The following PLEKHG1 variants were observed in gnomAD, a reference collection of about 807,000 sequenced individuals.
The protein encoded by PLEKHG1 is pleckstrin homology and RhoGEF domain containing G1.
A neutral mutation model predicts 100.8 loss-of-function variants in PLEKHG1; 44 were observed. That is an observed-to-expected ratio of 0.44 (90% CI 0.34 to 0.56). The LOEUF is 0.56. Among genes scored for constraint, PLEKHG1 ranks in the 20% least tolerant of loss-of-function variants. The probability of loss-of-function intolerance (pLI) is 0.01; values close to 1 mark genes in which losing one functional copy is unlikely to be tolerated. For missense variants in PLEKHG1, 1,545 were observed against 1,720.9 expected, an observed-to-expected ratio of 0.90 and a Z score of 1.81; for synonymous variants, 640 against 662.5, an observed-to-expected ratio of 0.97 and a Z score of 0.52.
chr6:150,718,681 G>T (rs772078252), upstream of PLEKHG1, among the ~76,000 whole-genome samples: 1 of 151,998 alleles, frequency 6.6e-6, no homozygotes, highest in Non-Finnish European at 1.5e-5. Flanking sequence ...TGTTGGTCAG[G>T]CTAGTCTCGA....
At chr6:150,821,988 T>A (rs1437746021) in intron 13 of PLEKHG1, among the ~76,000 whole-genome samples, 1 of 150,748 alleles carries the variant, frequency 6.6e-6, no homozygotes, top group Non-Finnish European at 1.5e-5. Flanking sequence ...ATTACAAGCA[T>A]GTGCCACCGC....
chr6:150,801,341 C>A (rs1786685185), intron 6 of PLEKHG1, among the ~76,000 whole-genome samples: 1 of 152,024 alleles, frequency 6.6e-6, no homozygotes, highest in South Asian at 2.1e-4. Flanking sequence ...CTTCAGTTAT[C>A]TCCTCTTATA....
chr6:150,829,862 G>A (rs1033846983), intron 14 of PLEKHG1, among the ~76,000 whole-genome samples: 1 of 152,066 alleles, frequency 6.6e-6, no homozygotes, highest in East Asian at 1.9e-4. Flanking sequence ...GTGTGTGGTC[G>A]GGTCAGCAGA....
At chr6:150,684,803 G>A (rs1223650439) in intron 3 of PLEKHG1, among the ~76,000 whole-genome samples, 1 of 152,026 alleles carries the variant, frequency 6.6e-6, no homozygotes, top group Non-Finnish European at 1.5e-5. Flanking sequence ...GTTTGGGATG[G>A]GGGGAAATGA....
chr6:150,695,113 A>C (rs1310924152), intron 3 of PLEKHG1, among the ~76,000 whole-genome samples: 1 of 152,138 alleles, frequency 6.6e-6, no homozygotes, highest in African/African-American at 2.4e-5. Flanking sequence ...CTGTTTTTTC[A>C]AAAGTTTGTA....
intron 1 of PLEKHG1, among the ~76,000 whole-genome samples, chr6:150,612,045 T>TGGGGGG: frequency 1.3e-5 from 1 of 77,272 alleles, no homozygotes; most frequent in Non-Finnish European, 2.7e-5. Flanking sequence ...CTGGTGTTGT[T>TGGGGGG]CCCCCCCCCC....
At chr6:150,743,249 G>T (rs2128623782) in intron 2 of PLEKHG1, among the ~76,000 whole-genome samples, 2 of 152,316 alleles carry the variant, frequency 1.3e-5, no homozygotes, top group East Asian at 3.9e-4. Flanking sequence ...GCTGGGTGTG[G>T]CGGCTCATGC....
chr6:150,730,901 C>CAA lies in PLEKHG1; in HGVS notation c.-98-2671_-98-2670dup, dbSNP rs59262689. 7.4e-4 allele frequency among the ~76,000 whole-genome samples: 103 copies of CAA among 138,358 alleles called. 1 individual carries two copies. The highest frequency in any genetic ancestry group is 2.0e-3 in the African/African-American group (76 of 37,908). 90.8% of individuals were successfully genotyped at this position (138,358 alleles called of 152,430 possible). ...TGGGTGACAAGAGCAAACTCTGTCT[C>CAA]AAAAAAAAAAAAAGAACATATTCAA... On this transcript the variant is annotated intron_variant, in intron 1 of 15. Transcript: ENST00000358517.
At chr6:150,657,560 A>T (rs988977238) in intron 3 of PLEKHG1, among the ~76,000 whole-genome samples, 18 of 152,192 alleles carry the variant, frequency 1.2e-4, no homozygotes, top group Admixed American at 1.2e-3. Context: ...TAGAGCTCTC[A>T]TTGTATTGGT....
At chr6:150,778,406 G>T (rs1232112822) in intron 3 of PLEKHG1, among the ~76,000 whole-genome samples, 4 of 152,240 alleles carry the variant, frequency 2.6e-5, no homozygotes, top group Middle Eastern at 3.4e-3. Context: ...GGTATTATAG[G>T]CATGAGCCAC....
chr6:150,620,805 C>T (rs1344354796), intron 1 of PLEKHG1, among the ~76,000 whole-genome samples: 1 of 152,084 alleles, frequency 6.6e-6, no homozygotes, highest in Non-Finnish European at 1.5e-5. Context: ...GCAATCTCTA[C>T]AAGAGACATT....
chr6:150,804,616 G>T lies in PLEKHG1; in HGVS notation c.787G>T (p.Glu263Ter). The change falls in exon 7 of 16, where the codon GAA (glutamate) becomes TAA (stop). Residue 263 changes from glutamate to a stop codon, truncating the protein, a stop_gained. Transcript: ENST00000358517. LOFTEE classifies it high-confidence loss of function. ...TCGTTCTTTTTTGTTTAAGGAAATA[G>T]AAAACCACCTTGATAAGGACACAGA... The T allele has an allele frequency of 6.4e-7, 1 of 1,557,512 alleles. No individual in the cohort carries two copies. The highest frequency in any genetic ancestry group is 8.7e-7 in the Non-Finnish European group (1 of 1,156,008).
intron 6 of PLEKHG1, among the ~76,000 whole-genome samples, chr6:150,804,309 C>G (rs1786909934): frequency 6.8e-6 from 1 of 147,344 alleles, no homozygotes; most frequent in African/African-American, 2.5e-5. Context: ...CCTCAGCCTC[C>G]TAAGTAACTG....
At chr6:150,693,456 C>A (rs1780422844) in intron 3 of PLEKHG1, among the ~76,000 whole-genome samples, 1 of 152,196 alleles carries the variant, frequency 6.6e-6, no homozygotes, top group African/African-American at 2.4e-5. Flanking sequence ...TTCCTTCTAC[C>A]CTTTGAATGA....
chr6:150,818,248 TTTCA>T (rs762104498), intron 11 of PLEKHG1, 32 bp downstream of exon 12: 1 of 1,462,038 alleles, frequency 6.8e-7, no homozygotes, highest in Non-Finnish European at 9.6e-7. Flanking sequence ...CAATTTGAAA[TTTCA>T]TTGTCTGTTT....
rs184836721 is a variant in PLEKHG1 at position 150,842,101 on chromosome 6, C to A, written c.*1205C>A. On this transcript the variant is annotated 3_prime_UTR_variant, in exon 16 of 16. Coordinates refer to ENST00000358517, the Ensembl canonical transcript of PLEKHG1. Reference sequence around the variant, plus strand: ...GTGATACTGTATACTGATCTAACTCCTTATGAAAGGCAACAAACAAAAATA... The same window carrying A: ...GTGATACTGTATACTGATCTAACTCATTATGAAAGGCAACAAACAAAAATA... The A allele has an allele frequency of 2.0e-5, 3 of 152,202 alleles. No individual in the cohort carries two copies. The East Asian group carries it at 5.8e-4, about 29-fold the overall frequency. The allele number at this position is 152,202 out of a possible 1,614,324, so 9.4% of individuals were successfully genotyped here. A position where few individuals can be genotyped will look rare whatever the true frequency, so the allele number is the denominator to read the frequency against.
At chr6:150,638,179 G>T (rs1325610154) in intron 2 of PLEKHG1, 1 of 152,144 alleles carries the variant, frequency 6.6e-6, no homozygotes, top group Non-Finnish European at 1.5e-5. Flanking sequence ...TTATTTTCCA[G>T]CATCAGAAGC....
chr6:150,770,899 T>C (rs1263393889), intron 3 of PLEKHG1, among the ~76,000 whole-genome samples: 1 of 152,212 alleles, frequency 6.6e-6, no homozygotes, highest in Non-Finnish European at 1.5e-5. Context: ...GGCATATTTA[T>C]AGAGTGCTTG....
intron 2 of PLEKHG1, among the ~76,000 whole-genome samples, chr6:150,745,705 C>T (rs1189517053): frequency 6.7e-6 from 1 of 148,656 alleles, no homozygotes; most frequent in Non-Finnish European, 1.5e-5. Flanking sequence ...AAAGCAAAAT[C>T]ACATGCGGAG....
Sources: gnomAD v4.1 joint callset for allele counts (sites outside exome capture counted in the v4.1 genomes callset) on GRCh38, gnomAD v4.1.1 for gene constraint, MANE v1.5 for transcripts, NCBI Gene and HGNC (gene_info 2026-07-23, HGNC 2026-07-21) for gene names.